The following WDR4 variants were observed in gnomAD, a reference collection of about 807,000 sequenced individuals.
The protein encoded by WDR4 is tRNA (guanine-N(7)-)-methyltransferase non-catalytic subunit WDR4.
WDR4 carries 47 observed loss-of-function variants against 48.6 expected under a neutral mutation model. The observed-to-expected ratio is 0.97, with a 90% CI of 0.77 to 1.23. The LOEUF (loss-of-function observed/expected upper bound fraction) is 1.23, where lower values mean the gene tolerates loss of function less well. Ranked by LOEUF, WDR4 falls within the 50% of genes most tolerant of loss-of-function variation. WDR4 has a pLI of 0.00. For synonymous variants in WDR4, 268 were observed against 230.0 expected (o/e 1.17, Z -1.49); for missense variants, 606 against 551.6 (o/e 1.10, Z -0.99).
At chr21:42,859,938 G>A (rs1290234520) in intron 5 of WDR4, among the ~76,000 whole-genome samples, 2 of 152,134 alleles carry the variant, frequency 1.3e-5, no homozygotes, top group Non-Finnish European at 2.9e-5. Flanking sequence ...AGGTGAGTGA[G>A]GTCATTCCTG....
chr21:42,858,660 A>G (rs1416665920), intron 6 of WDR4, among the ~76,000 whole-genome samples: 1 of 152,162 alleles, frequency 6.6e-6, no homozygotes, highest in Non-Finnish European at 1.5e-5. Flanking sequence ...GATTTTCCTC[A>G]TATTATGAAA....
chr21:42,879,196 G>C, intron 1 of WDR4: 1 of 1,332,640 alleles, frequency 7.5e-7, no homozygotes, highest in Non-Finnish European at 9.6e-7. Flanking sequence ...GCCGGGGAGC[G>C]GACGCCGAGA....
At position 42,850,177 on chromosome 21, in the gene WDR4, A is replaced by G; in HGVS notation, c.1111T>C (p.Tyr371His). 1 of 1,613,996 alleles carries G rather than the reference A, an allele frequency of 6.2e-7. No homozygotes were observed. The highest frequency in any genetic ancestry group is 8.5e-7 in the Non-Finnish European group (1 of 1,179,962). The change falls in exon 11 of 11, where the codon TAC becomes CAC. Residue 371 changes from tyrosine (Y) to histidine (H), a missense_variant. Coordinates refer to ENST00000398208, the MANE Select transcript of WDR4 (RefSeq NM_018669.6). The stretch of plus-strand genomic sequence containing the variant: ...AGTCTCTCCTCTTTCTTCTTCAGGT[A>G]GGAGGTCACGTTGTCGAACGTGGCC... ...YKATFDNVTS[Y>H]LKKKEERLQQ...
intron 10 of WDR4, 40 bp from the exon 11 acceptor site, chr21:42,850,282 G>C (rs1197784607): frequency 6.5e-7 from 1 of 1,544,718 alleles, no homozygotes; most frequent in Admixed American, 2.0e-5. Context: ...GGTGGGGCAG[G>C]AACATGGGAC....
upstream of WDR4, among the ~76,000 whole-genome samples, chr21:42,883,105 A>G (rs1418146959): frequency 6.7e-6 from 1 of 150,304 alleles, no homozygotes; most frequent in Admixed American, 6.6e-5. Context: ...TCTCAAAAAA[A>G]AAAAAAAAAA....
intron 10 of WDR4, among the ~76,000 whole-genome samples, chr21:42,850,834 T>C (rs191595202): frequency 6.6e-6 from 1 of 152,290 alleles, no homozygotes; most frequent in Admixed American, 6.5e-5. Context: ...TTTCATCTAC[T>C]TTATCTAAGT....
downstream of WDR4, among the ~76,000 whole-genome samples, chr21:42,847,697 T>C (rs575810120): frequency 6.6e-6 from 1 of 152,332 alleles, no homozygotes; most frequent in East Asian, 1.9e-4. Context: ...GATAATGAAA[T>C]GTGAATTTCA....
At position 42,873,467 on chromosome 21, in the gene WDR4, C is replaced by A. The variant is rs1418278067; in HGVS notation, c.296+84G>T. On this transcript the variant is annotated intron_variant, in intron 3 of 10. Transcript: ENST00000398208. ...GTCAACCACTTATCACCCTTATCAC[C>A]ATGTTATGGTCACTATTGCTACAGG... 11 of 1,561,244 alleles carry A rather than the reference C, an allele frequency of 7.0e-6. No individual in the cohort carries two copies. In the East Asian group the frequency reaches 2.3e-4, roughly 32 times the overall value.
chr21:42,852,183 T>A, intron 10 of WDR4, 72 bp downstream of exon 10: 1 of 1,516,776 alleles, frequency 6.6e-7, no homozygotes. Context: ...CAGGTCACAG[T>A]GTGTGCTTCT....
At position 42,855,051 on chromosome 21, in the gene WDR4, G is replaced by A. The variant is rs574153551; in HGVS notation, c.727-425C>T. Among the ~76,000 whole-genome samples the A allele has an allele frequency of 2.4e-3, 358 of 152,046 alleles. 2 individuals are homozygous for A. The highest frequency in any genetic ancestry group is 4.1e-3 in the Non-Finnish European group (281 of 67,976). On this transcript the variant is annotated intron_variant, in intron 7 of 10. Transcript: ENST00000398208. ...CACGCCTTTAATCCCAGCTACTCAG[G>A]AGCCTGAGGCGGAGGTTGCTGTGAG...
intron 2 of WDR4, among the ~76,000 whole-genome samples, chr21:42,874,454 G>A (rs2146099966): frequency 6.6e-6 from 1 of 152,308 alleles, no homozygotes; most frequent in East Asian, 1.9e-4. Context: ...CAATGTTCAG[G>A]GAACAAGAGA....
rs2057786523 is a variant in WDR4 at position 42,850,181 on chromosome 21, G to A, written c.1107C>T (p.Thr369=). The A allele has an allele frequency of 6.2e-7, 1 of 1,613,986 alleles. No individual in the cohort carries two copies. Among genetic ancestry groups the A allele is most frequent in the Non-Finnish European group, 8.5e-7 (1 of 1,179,952 alleles). Residue 369 remains threonine (T), a synonymous_variant, in exon 11 of 11, where the codon ACC becomes ACT. Transcript: ENST00000398208. ...SLYKATFDNV[T]SYLKKKEERL... The stretch of plus-strand genomic sequence containing the variant: ...TCTCCTCTTTCTTCTTCAGGTAGGA[G>A]GTCACGTTGTCGAACGTGGCCTTGT...
At chr21:42,872,381 G>A (rs964325165) in intron 3 of WDR4, among the ~76,000 whole-genome samples, 1 of 151,784 alleles carries the variant, frequency 6.6e-6, no homozygotes, top group Non-Finnish European at 1.5e-5. Flanking sequence ...AGGCTGAGGC[G>A]GGTGGATCAC....
chr21:42,873,056 C>G (rs2058407936), intron 3 of WDR4, among the ~76,000 whole-genome samples: 1 of 152,186 alleles, frequency 6.6e-6, no homozygotes, highest in Non-Finnish European at 1.5e-5. Context: ...CTCCCCATCC[C>G]CACGGATCCA....
rs140255850 is a variant in WDR4 at position 42,875,857 on chromosome 21, C to T, written c.155+845G>A. 2.2e-3 allele frequency among the ~76,000 whole-genome samples: 339 copies of T among 150,862 alleles called. 3 individuals are homozygous for T. Among genetic ancestry groups the T allele is most frequent in the African/African-American group, 7.7e-3 (315 of 40,920 alleles). ...CGCCTTCAACCATTACTTCAAGGAG[C>T]CAGTAAGATGTGATTACTGACAGAA... On this transcript the variant is annotated intron_variant, in intron 2 of 10. Coordinates refer to ENST00000398208, the MANE Select transcript of WDR4 (RefSeq NM_018669.6).
At chr21:42,867,831 C>A (rs572144352) in intron 3 of WDR4, among the ~76,000 whole-genome samples, 1 of 152,118 alleles carries the variant, frequency 6.6e-6, no homozygotes, top group East Asian at 1.9e-4. Flanking sequence ...CCTCAAAATG[C>A]TGGGATTACA....
At chr21:42,880,871 T>C (rs1244849862), upstream of WDR4, among the ~76,000 whole-genome samples, 2 of 152,106 alleles carry the variant, frequency 1.3e-5, no homozygotes, top group Non-Finnish European at 2.9e-5. Context: ...CTTAAAAGCT[T>C]TATGGGCTTC....
At chr21:42,852,773 G>C (rs1206483728) in intron 9 of WDR4, among the ~76,000 whole-genome samples, 1 of 152,110 alleles carries the variant, frequency 6.6e-6, no homozygotes, top group Non-Finnish European at 1.5e-5. Flanking sequence ...AAATTAGCCG[G>C]GTGTGGTGGC....
At chr21:42,864,066 C>A (rs1383317592) in intron 3 of WDR4, among the ~76,000 whole-genome samples, 1 of 78,266 alleles carries the variant, frequency 1.3e-5, no homozygotes, top group Non-Finnish European at 2.4e-5. Flanking sequence ...GAGATCCCGC[C>A]ACCGCACTCC....
Sources: allele counts gnomAD v4.1 joint callset (sites outside exome capture counted in the v4.1 genomes callset), GRCh38; gene constraint gnomAD v4.1.1; transcripts MANE v1.5; gene names NCBI Gene and HGNC (gene_info 2026-07-23, HGNC 2026-07-21).